Variants in ZNF264 observed in about 807,000 individuals in gnomAD.
ZNF264 encodes zinc finger protein 264.
A neutral mutation model predicts 11.2 loss-of-function variants in ZNF264; 11 were observed. The ratio of observed to expected loss-of-function variants is 0.98; its 90% CI spans 0.62 to 1.63. The LOEUF (loss-of-function observed/expected upper bound fraction) is 1.63, where lower values mean the gene tolerates loss of function less well. Ranked by LOEUF, ZNF264 falls within the 40% of genes most tolerant of loss-of-function variation. ZNF264 has a pLI of 0.00. For synonymous variants in ZNF264, 309 were observed against 279.8 expected (o/e 1.10, Z -1.04); for missense variants, 752 against 768.1 (o/e 0.98, Z 0.25).
rs2087390934 is a variant in ZNF264, at chr19:57,217,796, T to TG, written c.*4815_*4816insG. The TG allele has an allele frequency of 7.8e-6, 1 of 128,004 alleles. No homozygotes were observed. Among genetic ancestry groups the TG allele is most frequent in the African/African-American group, 3.2e-5 (1 of 30,814 alleles). The allele number at this position is 128,004 out of a possible 1,614,324, so 7.9% of individuals were successfully genotyped here. ...ATTGTCTCTTGACCTTTTTTTTTTT[T>TG]TTTTTTTTTTAAAGAGACAGAGTCT... On this transcript the variant is annotated 3_prime_UTR_variant, in exon 4 of 4. Transcript: ENST00000263095.
intron 1 of ZNF264, chr19:57,192,384 T>C (rs978252420): frequency 1.0e-6 from 1 of 985,160 alleles, no homozygotes; most frequent in Non-Finnish European, 1.2e-6. Flanking sequence ...AGGGCAACAG[T>C]GTGTGGTCTT....
chr19:57,210,021 T>C (rs531206767), intron 3 of ZNF264, among the ~76,000 whole-genome samples: 1 of 152,250 alleles, frequency 6.6e-6, no homozygotes, highest in East Asian at 1.9e-4. Flanking sequence ...CCTCTTTCCT[T>C]ATGAGCCTTC....
At position 57,211,517 on chromosome 19, in the gene ZNF264, C is replaced by G. The variant is rs1043828903; in HGVS notation, c.420C>G (p.Phe140Leu). Reference sequence around the variant, plus strand: ...TATCAGAAATGCAGGAAGGACACTTCAGACCAGGAATAGATCCCCAGGAGA... The same window carrying G: ...TATCAGAAATGCAGGAAGGACACTTGAGACCAGGAATAGATCCCCAGGAGA... ...DGLSEMQEGH[F>L]RPGIDPQEKS... Residue 140 changes from phenylalanine to leucine, a missense_variant, in exon 4 of 4, where the codon TTC becomes TTG. By Grantham distance (22) the Phe-to-Leu change is conservative (BLOSUM62 0). Coordinates refer to ENST00000263095, the MANE Select transcript of ZNF264 (RefSeq NM_003417.5). 7.4e-6 allele frequency: 12 copies of G among 1,613,962 alleles called. No individual in the cohort carries two copies. The African/African-American group carries it at 1.6e-4, about 22-fold the overall frequency.
chr19:57,211,353 G>A lies in ZNF264; in HGVS notation c.257-1G>A. On this transcript the variant is annotated splice_acceptor_variant, in intron 3 of 3. Transcript: ENST00000263095. LOFTEE classifies it high-confidence loss of function. The stretch of plus-strand genomic sequence containing the variant: ...CCTTTTGTGTGCTGGATTTCTTTCA[G>A]GCGACAAAGGAAAACCTAAGACCAC... 6.3e-7 allele frequency: 1 copy of A among 1,588,510 alleles called. No homozygotes were observed. The highest frequency in any genetic ancestry group is 8.6e-7 in the Non-Finnish European group (1 of 1,165,744).
intron 3 of ZNF264, among the ~76,000 whole-genome samples, chr19:57,209,965 G>C (rs1185267205): frequency 6.6e-6 from 1 of 151,966 alleles, no homozygotes; most frequent in Non-Finnish European, 1.5e-5. Context: ...TCACCAGGCT[G>C]TTCCTCAGGC....
At position 57,219,965 on chromosome 19, in the gene ZNF264, CATT is replaced by C. The variant is rs1054681968; in HGVS notation, c.*6985_*6987del. ...GAATGTCATGTGGCTATGTATGAGA[CATT>C]GTTGTGAATGTTTTACATGCATCAG... On this transcript the variant is annotated 3_prime_UTR_variant, in exon 4 of 4. Transcript: ENST00000263095. 10 of 152,394 alleles carry C rather than the reference CATT, an allele frequency of 6.6e-5. No individual in the cohort carries two copies. Among genetic ancestry groups the C allele is most frequent in the African/African-American group, 9.6e-5 (4 of 41,600 alleles). 9.4% of individuals were successfully genotyped at this position (152,394 alleles called of 1,614,324 possible).
chr19:57,194,099 A>G (rs2087195298), intron 2 of ZNF264, 98 bp downstream of exon 2: 2 of 1,488,402 alleles, frequency 1.3e-6, no homozygotes, highest in Admixed American at 2.3e-5. Flanking sequence ...GGCCTCTAGA[A>G]TCTACCTTGC....
Position 57,212,548 on chromosome 19 carries a change from A to G in ZNF264, c.1451A>G (p.Glu484Gly), listed in dbSNP as rs200425447. ...FSIHTGEKPY[E>G]CVECGKAFTR... The stretch of plus-strand genomic sequence containing the variant: ...ATCCACACTGGAGAGAAGCCCTATG[A>G]GTGCGTGGAGTGTGGAAAGGCCTTC... The change falls in exon 4 of 4, where the codon GAG (glutamate) becomes GGG (glycine). Residue 484 changes from glutamate (E) to glycine (G), a missense_variant. Glu to Gly is a moderately conservative substitution (Grantham distance 98). Coordinates refer to ENST00000263095, the MANE Select transcript of ZNF264 (RefSeq NM_003417.5). 6.2e-7 allele frequency: 1 copy of G among 1,614,098 alleles called. No homozygotes were observed. The highest frequency in any genetic ancestry group is 1.3e-5 in the African/African-American group (1 of 75,024).
chr19:57,199,845 CAG>C (rs1413322490), intron 2 of ZNF264, among the ~76,000 whole-genome samples: 7 of 151,786 alleles, frequency 4.6e-5, no homozygotes, highest in Admixed American at 4.6e-4. Context: ...GCAACTGCCT[CAG>C]GGGAGGCCAT....
chr19:57,193,155 C>T (rs1269017822), intron 1 of ZNF264, among the ~76,000 whole-genome samples: 3 of 152,104 alleles, frequency 2.0e-5, no homozygotes, highest in Non-Finnish European at 4.4e-5. Flanking sequence ...CACTGTTAGA[C>T]CGTGAATCAT....
At chr19:57,199,602 A>G (rs1279487664) in intron 2 of ZNF264, among the ~76,000 whole-genome samples, 1 of 151,946 alleles carries the variant, frequency 6.6e-6, no homozygotes, top group Non-Finnish European at 1.5e-5. Flanking sequence ...ATTCAGCCTG[A>G]TGCATCTGTA....
intron 1 of ZNF264, among the ~76,000 whole-genome samples, chr19:57,193,080 G>A (rs1404697007): frequency 1.3e-5 from 2 of 152,160 alleles, no homozygotes; most frequent in East Asian, 3.8e-4. Context: ...TGTTAGAAAT[G>A]AGTGGAAATG....
At chr19:57,197,410 C>T (rs2087219742) in intron 2 of ZNF264, among the ~76,000 whole-genome samples, 1 of 151,848 alleles carries the variant, frequency 6.6e-6, no homozygotes, top group African/African-American at 2.4e-5. Context: ...TAGTTATCTG[C>T]AGAAGATGGC....
At position 57,214,667 on chromosome 19, in the gene ZNF264, T is replaced by A. The variant is rs1185239463; in HGVS notation, c.*1686T>A. ...AGTGCACAGCATGTTCAGTTTTTCA[T>A]CATGAAGTATAATGTAAGTTTTATA... On this transcript the variant is annotated 3_prime_UTR_variant, in exon 4 of 4. Coordinates refer to ENST00000263095, the MANE Select transcript of ZNF264 (RefSeq NM_003417.5). 6.6e-6 allele frequency: 1 copy of A among 152,228 alleles called. No individual in the cohort carries two copies. The highest frequency in any genetic ancestry group is 2.4e-5 in the African/African-American group (1 of 41,448). The allele number at this position is 152,228 out of a possible 1,614,324, so 9.4% of individuals were successfully genotyped here. A position where few individuals can be genotyped will look rare whatever the true frequency, so the allele number is the denominator to read the frequency against.
chr19:57,199,210 A>G (rs908210071), intron 2 of ZNF264, among the ~76,000 whole-genome samples: 2 of 152,036 alleles, frequency 1.3e-5, no homozygotes, highest in African/African-American at 2.4e-5. Context: ...ATTATTCCCA[A>G]TGTATTAAAT....
chr19:57,197,454 T>C (rs180686024), intron 2 of ZNF264, among the ~76,000 whole-genome samples: 26 of 151,970 alleles, frequency 1.7e-4, no homozygotes, highest in Middle Eastern at 3.4e-3. Flanking sequence ...AGGCCTTCGC[T>C]GTGATTCACC....
At chr19:57,211,323 C>G in intron 3 of ZNF264, 31 bp from the exon 4 acceptor site, 1 of 1,549,346 alleles carries the variant, frequency 6.5e-7, no homozygotes, top group South Asian at 1.2e-5. Context: ...CCTTTACTAA[C>G]AGGCCCTTTT....
At chr19:57,193,810 G>A in intron 1 of ZNF264, 65 bp from the exon 2 acceptor site, 4 of 1,593,466 alleles carry the variant, frequency 2.5e-6, no homozygotes, top group Admixed American at 1.7e-5. Context: ...TTCCAGTGGA[G>A]CACAGTCTGT....
chr19:57,211,854 C>G lies in ZNF264; in HGVS notation c.757C>G (p.His253Asp). The G allele has an allele frequency of 4.3e-6, 7 of 1,614,056 alleles. No homozygotes were observed. The highest frequency in any genetic ancestry group is 5.1e-6 in the Non-Finnish European group (6 of 1,179,992). Reference sequence around the variant, plus strand: ...ACATCTCCTGCAACATCACATGATCCACACTGGGGAGAGGCCCTATGAGTG... The same window carrying G: ...ACATCTCCTGCAACATCACATGATCGACACTGGGGAGAGGCCCTATGAGTG... ...STHLLQHHMI[H>D]TGERPYECME... The change falls in exon 4 of 4, where the codon CAC (histidine) becomes GAC (aspartate). Residue 253 changes from histidine to aspartate, a missense_variant. By Grantham distance (81) the His-to-Asp change is moderately conservative. Coordinates refer to ENST00000263095, the MANE Select transcript of ZNF264 (RefSeq NM_003417.5).
Sources: allele counts gnomAD v4.1 joint callset (sites outside exome capture counted in the v4.1 genomes callset), GRCh38; gene constraint gnomAD v4.1.1; transcripts MANE v1.5; gene names NCBI Gene and HGNC (gene_info 2026-07-23, HGNC 2026-07-21).